DLGAP1: variants seen among roughly 807,000 people sequenced by gnomAD.
The protein encoded by DLGAP1 is disks large-associated protein 1.
In DLGAP1, 11 loss-of-function variants were observed where a neutral mutation model predicts 90.8. The observed-to-expected ratio is 0.12, with a 90% CI of 0.08 to 0.20. The LOEUF is 0.20. DLGAP1 is among the 10% of genes least tolerant of loss of function. The probability of loss-of-function intolerance (pLI) is 1.00; values close to 1 mark genes in which losing one functional copy is unlikely to be tolerated. For missense variants in DLGAP1, 1,050 were observed against 1,333.8 expected, an observed-to-expected ratio of 0.79 and a Z score of 3.31; for synonymous variants, 558 against 540.7, an observed-to-expected ratio of 1.03 and a Z score of -0.44.
At chr18:4,032,090 G>A (rs1356661688) in intron 2 of DLGAP1, among the ~76,000 whole-genome samples, 1 of 152,212 alleles carries the variant, frequency 6.6e-6, no homozygotes, top group Non-Finnish European at 1.5e-5. Flanking sequence ...CATGGGGCAT[G>A]AGTGATATTA....
At chr18:3,655,972 G>A in intron 7 of DLGAP1, 2 of 1,002,678 alleles carry the variant, frequency 2.0e-6, no homozygotes, top group Admixed American at 2.9e-5. Context: ...GGCAATAGCT[G>A]GCAATTCGCA....
At chr18:3,966,486 T>A (rs8085839) in intron 3 of DLGAP1, among the ~76,000 whole-genome samples, 56,867 of 151,848 alleles carry the variant, frequency 0.37, 10,972 homozygotes, top group Non-Finnish European at 0.41. Flanking sequence ...TATGAAGCTA[T>A]TGCCATGGAT....
At chr18:3,618,554 C>T (rs952203722) in intron 7 of DLGAP1, among the ~76,000 whole-genome samples, 12 of 145,708 alleles carry the variant, frequency 8.2e-5, no homozygotes, top group African/African-American at 2.8e-4. Flanking sequence ...ATAAATGTTG[C>T]TATTTGCTTA....
chr18:4,347,200 A>G (rs1201007169), intron 1 of DLGAP1, among the ~76,000 whole-genome samples: 1 of 152,120 alleles, frequency 6.6e-6, no homozygotes, highest in Non-Finnish European at 1.5e-5. Context: ...AATAGAGAAC[A>G]TTATTAAGGA....
intron 9 of DLGAP1, among the ~76,000 whole-genome samples, chr18:3,543,344 G>A (rs1289369273): frequency 6.6e-6 from 1 of 151,852 alleles, no homozygotes; most frequent in East Asian, 1.9e-4. Flanking sequence ...CTATTTTTTT[G>A]TATTTTTAGA....
At position 3,783,034 on chromosome 18, in the gene DLGAP1, A is replaced by G. The variant is rs145292665; in HGVS notation, c.1172+31025T>C. The stretch of plus-strand genomic sequence containing the variant: ...CTCCAAAGAAAATATACAAGTGACC[A>G]ACAAGCATATACAAAGATTCTCAAA... On this transcript the variant is annotated intron_variant, in intron 5 of 12. Coordinates refer to ENST00000315677, the MANE Select transcript of DLGAP1 (RefSeq NM_004746.4). 5.9e-4 allele frequency among the ~76,000 whole-genome samples: 90 copies of G among 152,372 alleles called. No homozygotes were observed. In the East Asian group the frequency reaches 0.013, roughly 22 times the overall value.
At chr18:4,258,008 T>TGTGCGC (rs556979530) in intron 1 of DLGAP1, among the ~76,000 whole-genome samples, 3 of 140,848 alleles carry the variant, frequency 2.1e-5, no homozygotes, top group Admixed American at 1.4e-4. Flanking sequence ...TGTGTGTGTG[T>TGTGCGC]GTGCGCGCGC....
At chr18:3,505,689 A>G (rs1383607952) in intron 11 of DLGAP1, among the ~76,000 whole-genome samples, 1 of 148,662 alleles carries the variant, frequency 6.7e-6, no homozygotes, top group African/African-American at 2.5e-5. Flanking sequence ...GTTCTTTTTG[A>G]GCATGTAACC....
chr18:4,245,684 G>T (rs1322199820), intron 1 of DLGAP1, among the ~76,000 whole-genome samples: 1 of 152,184 alleles, frequency 6.6e-6, no homozygotes, highest in Non-Finnish European at 1.5e-5. Flanking sequence ...ATCAGAATCC[G>T]CTTGGGTGGT....
At chr18:4,064,223 C>A (rs2075339228) in intron 2 of DLGAP1, among the ~76,000 whole-genome samples, 1 of 151,736 alleles carries the variant, frequency 6.6e-6, no homozygotes, top group African/African-American at 2.4e-5. Context: ...TCTTTTACAC[C>A]CTCCAATCAG....
intron 3 of DLGAP1, among the ~76,000 whole-genome samples, chr18:3,964,194 A>G (rs1485312335): frequency 6.6e-6 from 1 of 152,208 alleles, no homozygotes; most frequent in Non-Finnish European, 1.5e-5. Context: ...ACACTCTTTA[A>G]AAAAGGGGCA....
At chr18:3,907,939 A>G (rs2071947122) in intron 3 of DLGAP1, among the ~76,000 whole-genome samples, 1 of 152,200 alleles carries the variant, frequency 6.6e-6, no homozygotes. Context: ...TGGCAGCACA[A>G]TTCTGAGTTC....
intron 5 of DLGAP1, among the ~76,000 whole-genome samples, chr18:3,785,751 G>A (rs1759860561): frequency 6.6e-6 from 1 of 152,228 alleles, no homozygotes; most frequent in South Asian, 2.1e-4. Flanking sequence ...GAAGGCAACT[G>A]TGGTTCTCTT....
In DLGAP1 at chr18:3,997,407, C is replaced by G. The variant is rs10350; in HGVS notation, c.-73+7709G>C. 1.6e-4 allele frequency among the ~76,000 whole-genome samples: 8 copies of G among 49,148 alleles called. 3 individuals carry two copies. In the East Asian group the frequency reaches 5.2e-3, roughly 32 times the overall value. 32.2% of individuals were successfully genotyped at this position (49,148 alleles called of 152,430 possible). The stretch of plus-strand genomic sequence containing the variant: ...AAGATGCCAGCTTGGGTCGCTCCCC[C>G]TCACCCCTAGGCTCGGTTAAACAGT... On this transcript the variant is annotated intron_variant, in intron 3 of 12. Coordinates refer to ENST00000315677, the MANE Select transcript of DLGAP1 (RefSeq NM_004746.4).
intron 3 of DLGAP1, among the ~76,000 whole-genome samples, chr18:3,987,044 G>A (rs570685402): frequency 7.2e-5 from 11 of 152,248 alleles, no homozygotes; most frequent in South Asian, 2.1e-4. Flanking sequence ...AATAGCGCTC[G>A]TTTCCAGGTA....
intron 1 of DLGAP1, among the ~76,000 whole-genome samples, chr18:4,323,812 T>G (rs1898624788): frequency 6.6e-6 from 1 of 151,940 alleles, no homozygotes; most frequent in Non-Finnish European, 1.5e-5. Flanking sequence ...ATCAAGAAAA[T>G]TTTTGAATCT....
chr18:4,391,629 T>C (rs1320630587), intron 1 of DLGAP1, among the ~76,000 whole-genome samples: 1 of 152,156 alleles, frequency 6.6e-6, no homozygotes, highest in Non-Finnish European at 1.5e-5. Context: ...AATTCCAGCT[T>C]GCAATTTAAA....
chr18:4,344,155 G>T (rs1285000917), intron 1 of DLGAP1, among the ~76,000 whole-genome samples: 1 of 152,134 alleles, frequency 6.6e-6, no homozygotes, highest in Non-Finnish European at 1.5e-5. Flanking sequence ...CATTTAAGAA[G>T]AATAATTATA....
At chr18:3,825,542 C>A (rs575226278) in intron 4 of DLGAP1, among the ~76,000 whole-genome samples, 91 of 152,322 alleles carry the variant, frequency 6.0e-4, no homozygotes, top group African/African-American at 2.1e-3. Flanking sequence ...CAGGGTTCAG[C>A]AAATTCAAGT....
Sources: gnomAD v4.1 joint callset for allele counts (sites outside exome capture counted in the v4.1 genomes callset) on GRCh38, gnomAD v4.1.1 for gene constraint, MANE v1.5 for transcripts, NCBI Gene and HGNC (gene_info 2026-07-23, HGNC 2026-07-21) for gene names.